Variants in ATF2 observed in about 807,000 individuals in gnomAD.
The protein encoded by ATF2 is cyclic AMP-dependent transcription factor ATF-2.
In ATF2, 24 loss-of-function variants were observed where a neutral mutation model predicts 60.6. That is an observed-to-expected ratio of 0.40 (90% CI 0.29 to 0.56). The LOEUF (loss-of-function observed/expected upper bound fraction) is 0.56, where lower values mean the gene tolerates loss of function less well. ATF2 is among the 20% of genes least tolerant of loss of function. ATF2 has a pLI of 0.54. For synonymous variants in ATF2, 206 were observed against 215.4 expected, an observed-to-expected ratio of 0.96 and a Z score of 0.38; for missense variants, 433 against 607.7, an observed-to-expected ratio of 0.71 and a Z score of 3.02.
chr2:175,132,072 C>T (rs544293715), intron 3 of ATF2, among the ~76,000 whole-genome samples: 2 of 152,154 alleles, frequency 1.3e-5, no homozygotes, highest in Non-Finnish European at 2.9e-5. Flanking sequence ...TGGTATTCAA[C>T]CTGTTGTGAT....
At chr2:175,146,574 A>T (rs1698967982) in intron 2 of ATF2, among the ~76,000 whole-genome samples, 1 of 152,184 alleles carries the variant, frequency 6.6e-6, no homozygotes, top group Admixed American at 6.5e-5. Flanking sequence ...TCCTCCACTT[A>T]TCTGCAGCTT....
At chr2:175,087,069 GA>G (rs61675152) in intron 12 of ATF2, among the ~76,000 whole-genome samples, 114 of 150,130 alleles carry the variant, frequency 7.6e-4, no homozygotes, top group African/African-American at 2.8e-3. Context: ...AATATTAAAT[GA>G]AAAAAAAATG....
Position 175,074,764 on chromosome 2 carries a change from T to A in ATF2, c.1363A>T (p.Ser455Cys). ...ACTCCATTGGATGTGCTGACCGAAC[T>A]ATGCTGTATAGCTTCTGTATGTGGA... Reference protein sequence around the residue: ...SSPHTEAIQHSSVSTSNGVSS... With the variant: ...SSPHTEAIQHCSVSTSNGVSS... The change falls in exon 14 of 14, where the codon AGT becomes TGT. Residue 455 changes from serine (S) to cysteine (C), a missense_variant. By Grantham distance (112) the Ser-to-Cys change is moderately radical (BLOSUM62 -1). Transcript: ENST00000264110. 1 of 1,613,656 alleles carries A rather than the reference T, an allele frequency of 6.2e-7. No homozygotes were observed.
At chr2:175,139,663 CAA>C (rs201481065) in intron 2 of ATF2, among the ~76,000 whole-genome samples, 14 of 80,084 alleles carry the variant, frequency 1.7e-4, no homozygotes, top group Admixed American at 3.0e-4. Flanking sequence ...GACTCCATCT[CAA>C]AAAAAAAAAA....
intron 7 of ATF2, among the ~76,000 whole-genome samples, chr2:175,117,690 T>C (rs1696674737): frequency 6.6e-6 from 1 of 152,008 alleles, no homozygotes; most frequent in African/African-American, 2.4e-5. Flanking sequence ...TGTTACTGTA[T>C]AAAAGTAGCT....
Position 175,151,152 on chromosome 2 carries a change from T to C in ATF2, c.-136A>G, listed in dbSNP as rs540841720. The C allele has an allele frequency of 2.6e-5, 4 of 152,478 alleles. No homozygotes were observed. The highest frequency in any genetic ancestry group is 5.9e-5 in the Non-Finnish European group (4 of 67,990). 9.4% of individuals were successfully genotyped at this position (152,478 alleles called of 1,614,324 possible). A position where few individuals can be genotyped will look rare whatever the true frequency, so the allele number is the denominator to read the frequency against. Reference sequence around the variant, plus strand: ...AGCAGTCCTTTCTCAAGTTTCCATCTAGTACCCTTAGGGAAAAAGAGAGGC... The same window carrying C: ...AGCAGTCCTTTCTCAAGTTTCCATCCAGTACCCTTAGGGAAAAAGAGAGGC... On this transcript the variant is annotated 5_prime_UTR_variant, in exon 2 of 14. Transcript: ENST00000264110.
In ATF2 at chr2:175,124,295, AT is replaced by A. The variant is rs1358894976; in HGVS notation, c.103-2756del. On this transcript the variant is annotated intron_variant, in intron 4 of 13. Transcript: ENST00000264110. The stretch of plus-strand genomic sequence containing the variant: ...AATGGAAAAAGTGAAAAAAAAAAAG[AT>A]TTTTTTTTTTGATAGGTGCCTAGCA... 2.1e-3 allele frequency among the ~76,000 whole-genome samples: 311 copies of A among 144,746 alleles called. 1 individual carries two copies. The highest frequency in any genetic ancestry group is 6.3e-3 in the African/African-American group (246 of 39,226). The allele number at this position is 144,746 out of a possible 152,430, so 95.0% of individuals were successfully genotyped here. A position where few individuals can be genotyped will look rare whatever the true frequency, so the allele number is the denominator to read the frequency against.
At chr2:175,148,124 C>CAA (rs1435430826) in intron 2 of ATF2, 1 of 151,708 alleles carries the variant, frequency 6.6e-6, no homozygotes, top group East Asian at 1.9e-4. Flanking sequence ...CACAGAAAAA[C>CAA]AGAGGTGAGA....
chr2:175,103,531 G>A (rs1695444686), intron 10 of ATF2, among the ~76,000 whole-genome samples: 1 of 152,022 alleles, frequency 6.6e-6, no homozygotes, highest in African/African-American at 2.4e-5. Flanking sequence ...CTGAACATGA[G>A]GTTCCATGCA....
At chr2:175,164,436 A>G (rs1158496827) in intron 1 of ATF2, among the ~76,000 whole-genome samples, 1 of 152,180 alleles carries the variant, frequency 6.6e-6, no homozygotes, top group East Asian at 1.9e-4. Context: ...CGGGAGGCTC[A>G]GACAGGAGAA....
At chr2:175,113,862 A>G in intron 9 of ATF2, 132 bp downstream of exon 9, 1 of 830,814 alleles carries the variant, frequency 1.2e-6, no homozygotes, top group Non-Finnish European at 2.0e-6. Context: ...CAATGATAAC[A>G]AATAAATACT....
intron 1 of ATF2, among the ~76,000 whole-genome samples, chr2:175,154,349 C>T (rs2105822038): frequency 6.6e-6 from 1 of 151,864 alleles, no homozygotes; most frequent in East Asian, 1.9e-4. Context: ...CACTGTCTTC[C>T]ACCTCCACAT....
intron 2 of ATF2, among the ~76,000 whole-genome samples, chr2:175,136,940 G>A (rs1698179303): frequency 7.3e-6 from 1 of 137,796 alleles, no homozygotes; most frequent in Non-Finnish European, 1.5e-5. Flanking sequence ...TATATAAACA[G>A]CTCCAATTGT....
At chr2:175,094,212 G>A (rs1694745198) in intron 11 of ATF2, among the ~76,000 whole-genome samples, 1 of 151,900 alleles carries the variant, frequency 6.6e-6, no homozygotes, top group African/African-American at 2.4e-5. Context: ...GGCCAACATG[G>A]TGAAAACCAG....
At chr2:175,114,162 T>C (rs1402734370) in intron 8 of ATF2, 54 bp from the exon 9 acceptor site, 10 of 1,517,240 alleles carry the variant, frequency 6.6e-6, no homozygotes, top group Middle Eastern at 1.8e-4. Context: ...ACCAACTGTC[T>C]CTTAAAAATA....
intron 2 of ATF2, among the ~76,000 whole-genome samples, chr2:175,146,573 T>C (rs377186910): frequency 1.3e-5 from 2 of 152,290 alleles, no homozygotes; most frequent in African/African-American, 2.4e-5. Flanking sequence ...GTCCTCCACT[T>C]ATCTGCAGCT....
At position 175,111,582 on chromosome 2, in the gene ATF2, AC is replaced by A; in HGVS notation, c.813del (p.Gln271HisfsTer6). The A allele has an allele frequency of 6.2e-7, 1 of 1,613,418 alleles. No homozygotes were observed. The highest frequency in any genetic ancestry group is 8.5e-7 in the Non-Finnish European group (1 of 1,179,610). On this transcript the variant is annotated frameshift_variant, in exon 10 of 14. Transcript: ENST00000264110. LOFTEE classifies it high-confidence loss of function. ...ATCTGGCTTACCATTTTTGCTTCTG[AC>A]TGTACTGGTTGGGGAGAGGAAGGAC... The part of the protein sequence containing the change: ...IPGPSSPQPV[Q>X]SEAKMRLKAA...
chr2:175,152,961 G>A (rs895536768), intron 1 of ATF2, among the ~76,000 whole-genome samples: 4 of 152,116 alleles, frequency 2.6e-5, no homozygotes, highest in Non-Finnish European at 4.4e-5. Flanking sequence ...GTATGGCTTC[G>A]GGTTTTCCTA....
At chr2:175,165,729 G>C (rs539289761) in intron 1 of ATF2, among the ~76,000 whole-genome samples, 23 of 152,260 alleles carry the variant, frequency 1.5e-4, no homozygotes, top group African/African-American at 5.3e-4. Flanking sequence ...GAGTGCAGTG[G>C]CGCCATCTCG....
Sources: allele counts gnomAD v4.1 joint callset (sites outside exome capture counted in the v4.1 genomes callset), GRCh38; gene constraint gnomAD v4.1.1; transcripts MANE v1.5; gene names NCBI Gene and HGNC (gene_info 2026-07-23, HGNC 2026-07-21).